PRKN: variants seen among roughly 807,000 people sequenced by gnomAD.
The protein encoded by PRKN is E3 ubiquitin-protein ligase parkin.
In PRKN, 56 loss-of-function variants were observed where a neutral mutation model predicts 59.5. That is an observed-to-expected ratio of 0.94 (90% CI 0.76 to 1.18). The LOEUF is 1.18. Ranked by LOEUF, PRKN falls within the 50% of genes most tolerant of loss-of-function variation. PRKN has a pLI of 0.00. For synonymous variants in PRKN, 250 were observed against 222.1 expected, an observed-to-expected ratio of 1.13 and a Z score of -1.12; for missense variants, 657 against 596.4, an observed-to-expected ratio of 1.10 and a Z score of -1.06.
Position 161,938,319 on chromosome 6 carries a change from C to T in PRKN, c.734+34983G>A, listed in dbSNP as rs538974781. Reference sequence around the variant, plus strand: ...CTTCAAGAGAGTTTACCCAAATTTACATGTTATACAGGTATAACCTAGTAA... The same window carrying T: ...CTTCAAGAGAGTTTACCCAAATTTATATGTTATACAGGTATAACCTAGTAA... On this transcript the variant is annotated intron_variant, in intron 6 of 11. Transcript: ENST00000366898. Among the ~76,000 whole-genome samples the T allele has an allele frequency of 6.6e-5, 10 of 152,294 alleles. No individual in the cohort carries two copies. In the South Asian group the frequency reaches 8.3e-4, roughly 13 times the overall value.
intron 1 of PRKN, among the ~76,000 whole-genome samples, chr6:162,594,646 G>A (rs77948438): frequency 3.8e-4 from 58 of 152,180 alleles, no homozygotes; most frequent in African/African-American, 1.3e-3. Context: ...AATTTAGTAT[G>A]AATGAAATGA....
At chr6:162,020,414 A>C (rs889361861) in intron 5 of PRKN, among the ~76,000 whole-genome samples, 1 of 151,328 alleles carries the variant, frequency 6.6e-6, no homozygotes, top group Non-Finnish European at 1.5e-5. Context: ...AATCCTATTT[A>C]AAGATATGAA....
rs869253616 is a variant in PRKN at position 161,680,775 on chromosome 6, AT to A, written c.871+104996del. Among the ~76,000 whole-genome samples the A allele has an allele frequency of 8.9e-3, 271 of 30,602 alleles. 3 individuals carry two copies. Among genetic ancestry groups the A allele is most frequent in the Middle Eastern group, 0.033 (2 of 60 alleles). 20.1% of individuals were successfully genotyped at this position (30,602 alleles called of 152,430 possible). A position where few individuals can be genotyped will look rare whatever the true frequency, so the allele number is the denominator to read the frequency against. ...TATATATATATATATATATATATAT[AT>A]TTTTTTTTTTTTTTCTTTTCCTAAA... On this transcript the variant is annotated intron_variant, in intron 7 of 11. Coordinates refer to ENST00000366898, the MANE Select transcript of PRKN (RefSeq NM_004562.3).
intron 7 of PRKN, among the ~76,000 whole-genome samples, chr6:161,757,298 C>A (rs907812187): frequency 6.6e-6 from 1 of 151,972 alleles, no homozygotes; most frequent in Non-Finnish European, 1.5e-5. Flanking sequence ...AAATAATAAG[C>A]CACACACAGA....
rs911808233 is a variant in PRKN at position 162,171,351 on chromosome 6, A to G, written c.534+29780T>C. Reference sequence around the variant, plus strand: ...CTGCTAAAACTAAACTAGACTAGCAATTCTGTAAGATGTAAGAGTGTGAGT... The same window carrying G: ...CTGCTAAAACTAAACTAGACTAGCAGTTCTGTAAGATGTAAGAGTGTGAGT... On this transcript the variant is annotated intron_variant, in intron 4 of 11. Transcript: ENST00000366898. 1.6e-4 allele frequency among the ~76,000 whole-genome samples: 25 copies of G among 152,292 alleles called. 1 individual carries two copies. Among genetic ancestry groups the G allele is most frequent in the African/African-American group, 6.0e-4 (25 of 41,566 alleles).
At chr6:161,921,582 A>G (rs1159507528) in intron 6 of PRKN, among the ~76,000 whole-genome samples, 2 of 152,234 alleles carry the variant, frequency 1.3e-5, no homozygotes, top group Non-Finnish European at 2.9e-5. Flanking sequence ...TGCAACAGCT[A>G]CAGTGTCACT....
At chr6:162,331,894 T>C (rs1381762958) in intron 2 of PRKN, among the ~76,000 whole-genome samples, 1 of 152,216 alleles carries the variant, frequency 6.6e-6, no homozygotes, top group Non-Finnish European at 1.5e-5. Context: ...TCCACCATTT[T>C]TGAGAATGCA....
chr6:162,569,345 G>C, intron 1 of PRKN: 1 of 636,306 alleles, frequency 1.6e-6, no homozygotes, highest in East Asian at 3.2e-5. Flanking sequence ...GTCCAAGCTG[G>C]AGGCTGCCCT....
chr6:162,516,990 G>A (rs947941238), intron 1 of PRKN, among the ~76,000 whole-genome samples: 14 of 152,140 alleles, frequency 9.2e-5, no homozygotes, highest in Admixed American at 3.3e-4. Context: ...ATGGATAAAA[G>A]AGAATGTCCT....
intron 7 of PRKN, among the ~76,000 whole-genome samples, chr6:161,723,098 A>G (rs1472199566): frequency 1.3e-5 from 2 of 152,108 alleles, no homozygotes; most frequent in Admixed American, 6.6e-5. Flanking sequence ...GTGAAACCCC[A>G]TCTCTACTAA....
rs1297493860 is a variant in PRKN, at chr6:162,265,876, C to T, written c.172-3111G>A. Among the ~76,000 whole-genome samples the T allele has an allele frequency of 2.6e-5, 4 of 152,256 alleles. No individual in the cohort carries two copies. The East Asian group carries it at 7.7e-4, about 29-fold the overall frequency. ...GAGAAGATGGCATACTTTTATGGCACTGAGATTTCTGCTTGTCCTCTAATC... is the reference window on the plus strand; with the variant it reads ...GAGAAGATGGCATACTTTTATGGCATTGAGATTTCTGCTTGTCCTCTAATC... On this transcript the variant is annotated intron_variant, in intron 2 of 11. Transcript: ENST00000366898.
At chr6:161,847,520 AAG>A (rs977821406) in intron 6 of PRKN, among the ~76,000 whole-genome samples, 7 of 152,062 alleles carry the variant, frequency 4.6e-5, no homozygotes, top group Non-Finnish European at 7.3e-5. Flanking sequence ...TGGCATGAAT[AAG>A]AGGATTATTG....
intron 2 of PRKN, among the ~76,000 whole-genome samples, chr6:162,303,989 G>T (rs1782089891): frequency 6.6e-6 from 1 of 151,898 alleles, no homozygotes; most frequent in South Asian, 2.1e-4. Flanking sequence ...AATACATTCA[G>T]TCAACAAAGG....
At chr6:162,668,756 T>C (rs548703906) in intron 1 of PRKN, among the ~76,000 whole-genome samples, 33 of 152,292 alleles carry the variant, frequency 2.2e-4, no homozygotes, top group Admixed American at 1.4e-3. Context: ...GTGTGGCACC[T>C]GGTCATGAGA....
At chr6:161,659,300 C>A (rs1784462064) in intron 7 of PRKN, among the ~76,000 whole-genome samples, 1 of 152,228 alleles carries the variant, frequency 6.6e-6, no homozygotes, top group African/African-American at 2.4e-5. Context: ...TAATTCTTTT[C>A]TTAATATAGG....
At position 161,897,472 on chromosome 6, in the gene PRKN, G is replaced by A. The variant is rs551409735; in HGVS notation, c.734+75830C>T. On this transcript the variant is annotated intron_variant, in intron 6 of 11. Coordinates refer to ENST00000366898, the MANE Select transcript of PRKN (RefSeq NM_004562.3). ...TCTTTTTTAGGCCCATTTTCCTTCT[G>A]TAAGAGAAGAATGCTTCATTGGGAT... Among the ~76,000 whole-genome samples the A allele has an allele frequency of 4.6e-5, 7 of 152,254 alleles. No individual in the cohort carries two copies. The South Asian group carries it at 1.5e-3, about 32-fold the overall frequency.
chr6:162,464,405 T>C (rs1791317832), intron 1 of PRKN, among the ~76,000 whole-genome samples: 1 of 152,188 alleles, frequency 6.6e-6, no homozygotes, highest in African/African-American at 2.4e-5. Context: ...ATGATAACTT[T>C]TATTTTCTTA....
chr6:161,785,952 T>C (rs1036771697), intron 6 of PRKN, 44 bp from the exon 7 acceptor site: 2 of 1,609,836 alleles, frequency 1.2e-6, no homozygotes. Flanking sequence ...CCTGTCAGTG[T>C]GGAAAGGCAG....
At chr6:162,646,953 A>T (rs1440944838) in intron 1 of PRKN, among the ~76,000 whole-genome samples, 2 of 152,194 alleles carry the variant, frequency 1.3e-5, no homozygotes, top group African/African-American at 4.8e-5. Context: ...GTGGCACATG[A>T]TTGTATTATA....
Sources: allele counts gnomAD v4.1 joint callset (sites outside exome capture counted in the v4.1 genomes callset), GRCh38; gene constraint gnomAD v4.1.1; transcripts MANE v1.5; gene names NCBI Gene and HGNC (gene_info 2026-07-23, HGNC 2026-07-21).